RAB3GAP1: variants seen among roughly 807,000 people sequenced by gnomAD.
The protein encoded by RAB3GAP1 is rab3 GTPase-activating protein catalytic subunit.
In RAB3GAP1, 86 loss-of-function variants were observed where a neutral mutation model predicts 130.7. The ratio of observed to expected loss-of-function variants is 0.66; its 90% confidence interval spans 0.55 to 0.79. The LOEUF is 0.79. Among genes scored for constraint, RAB3GAP1 ranks in the 30% least tolerant of loss-of-function variants. RAB3GAP1 has a pLI of 0.00. For synonymous variants in RAB3GAP1, 367 were observed against 401.7 expected, an observed-to-expected ratio of 0.91 and a Z score of 1.03; for missense variants, 1,029 against 1,169.4, an observed-to-expected ratio of 0.88 and a Z score of 1.75.
intron 8 of RAB3GAP1, among the ~76,000 whole-genome samples, chr2:135,122,746 G>A (rs1372779031): frequency 6.6e-6 from 1 of 152,022 alleles, no homozygotes; most frequent in Non-Finnish European, 1.5e-5. Flanking sequence ...TTTTGAGACA[G>A]AGTCTTGCTT....
At chr2:135,100,485 A>C (rs1318666685) in intron 5 of RAB3GAP1, among the ~76,000 whole-genome samples, 1 of 152,058 alleles carries the variant, frequency 6.6e-6, no homozygotes, top group African/African-American at 2.4e-5. Flanking sequence ...TCAGCGGTGT[A>C]TTTTGACAGC....
Position 135,095,294 on chromosome 2 carries a change from C to T in RAB3GAP1, c.362+1601C>T, listed in dbSNP as rs1261605053. On this transcript the variant is annotated intron_variant, in intron 5 of 23. Coordinates refer to ENST00000264158, the MANE Select transcript of RAB3GAP1 (RefSeq NM_012233.3). ...CGATCTCCTGACCTCGTGATCCGCC[C>T]GCCTCGGCCTCCCAAAGCGCTGGGA... Among the ~76,000 whole-genome samples, 5 of 152,284 alleles carry T rather than the reference C, an allele frequency of 3.3e-5. No individual in the cohort carries two copies. The South Asian group carries it at 6.2e-4, about 19-fold the overall frequency.
chr2:135,084,407 T>C (rs1466978311), intron 3 of RAB3GAP1, among the ~76,000 whole-genome samples: 1 of 152,234 alleles, frequency 6.6e-6, no homozygotes, highest in Non-Finnish European at 1.5e-5. Flanking sequence ...ATCCTTTTAC[T>C]TTCTTGATGG....
chr2:135,143,286 T>G (rs1691897800), intron 17 of RAB3GAP1, among the ~76,000 whole-genome samples: 1 of 152,012 alleles, frequency 6.6e-6, no homozygotes, highest in African/African-American at 2.4e-5. Flanking sequence ...ATAATGATAT[T>G]GCAGTTTTAA....
In RAB3GAP1 at chr2:135,135,681, C is replaced by A. The variant is rs745596475; in HGVS notation, c.1672C>A (p.Pro558Thr). ...DAGKAGDQLV[P>T]DNLKETDKEK... ...TGGAAAAGCAGGAGACCAGTTGGTGCCAGATAATCTAAAAGAAACAGATAA... is the reference window on the plus strand; with the variant it reads ...TGGAAAAGCAGGAGACCAGTTGGTGACAGATAATCTAAAAGAAACAGATAA... Residue 558 changes from proline to threonine, a missense_variant, in exon 17 of 24, where the codon CCA (proline) becomes ACA (threonine). Transcript: ENST00000264158. 1 of 1,613,836 alleles carries A rather than the reference C, an allele frequency of 6.2e-7. No homozygotes were observed. Among genetic ancestry groups the A allele is most frequent in the South Asian group, 1.1e-5 (1 of 91,068 alleles).
At chr2:135,116,548 C>G (rs763829106) in intron 7 of RAB3GAP1, among the ~76,000 whole-genome samples, 8 of 152,012 alleles carry the variant, frequency 5.3e-5, no homozygotes, top group Non-Finnish European at 1.2e-4. Context: ...AACAAAATAG[C>G]CAGTAAGGAC....
chr2:135,117,616 C>A (rs1691043522), intron 7 of RAB3GAP1, among the ~76,000 whole-genome samples: 2 of 147,022 alleles, frequency 1.4e-5, no homozygotes, highest in African/African-American at 5.1e-5. Context: ...GCTTCTTCTG[C>A]TTCTGCTTCT....
rs1692756597 is a variant in RAB3GAP1 at position 135,168,970 on chromosome 2, C to T, written c.*189C>T. 3 of 432,694 alleles carry T rather than the reference C, an allele frequency of 6.9e-6. No homozygotes were observed. The East Asian group carries it at 1.7e-4, about 25-fold the overall frequency. The allele number at this position is 432,694 out of a possible 1,614,324, so 26.8% of individuals were successfully genotyped here. On this transcript the variant is annotated 3_prime_UTR_variant, in exon 24 of 24. Coordinates refer to ENST00000264158, the MANE Select transcript of RAB3GAP1 (RefSeq NM_012233.3). ...CTGTGTCGTTTCGTGGAGGGGGCAGCGAGGATGGGCTTGAGCTGTTGAGAG... is the reference window on the plus strand; with the variant it reads ...CTGTGTCGTTTCGTGGAGGGGGCAGTGAGGATGGGCTTGAGCTGTTGAGAG...
intron 17 of RAB3GAP1, chr2:135,137,287 T>C: frequency 3.1e-6 from 1 of 322,544 alleles, no homozygotes; most frequent in Non-Finnish European, 6.1e-6. Flanking sequence ...TCCACACATC[T>C]GTACTATTCT....
intron 19 of RAB3GAP1, among the ~76,000 whole-genome samples, chr2:135,155,849 GGAGA>G (rs1369484553): frequency 5.3e-5 from 8 of 152,022 alleles, no homozygotes; most frequent in Admixed American, 2.0e-4. Flanking sequence ...CAAATGAAAA[GGAGA>G]GAGTGTAGAG....
At chr2:135,159,731 C>T (rs767644069) in intron 19 of RAB3GAP1, among the ~76,000 whole-genome samples, 1 of 152,180 alleles carries the variant, frequency 6.6e-6, no homozygotes, top group South Asian at 2.1e-4. Flanking sequence ...ATGGAACAAA[C>T]CCAAATGTCT....
chr2:135,058,536 C>T (rs1689084590), intron 3 of RAB3GAP1: 1 of 153,382 alleles, frequency 6.5e-6, no homozygotes. Context: ...CTATTTCACT[C>T]AGTTTTTGTA....
chr2:135,153,527 A>C, intron 18 of RAB3GAP1, 122 bp from the exon 19 acceptor site: 1 of 878,456 alleles, frequency 1.1e-6, no homozygotes, highest in East Asian at 2.5e-5. Context: ...ATCCAAATTC[A>C]TTTTACATAT....
At chr2:135,087,144 T>A (rs1368387420) in intron 3 of RAB3GAP1, among the ~76,000 whole-genome samples, 11 of 152,234 alleles carry the variant, frequency 7.2e-5, no homozygotes, top group Admixed American at 5.9e-4. Flanking sequence ...TGTGAATATT[T>A]AATTATTCCA....
chr2:135,078,312 A>C (rs939845157), intron 3 of RAB3GAP1, among the ~76,000 whole-genome samples: 1 of 152,102 alleles, frequency 6.6e-6, no homozygotes, highest in African/African-American at 2.4e-5. Context: ...TACTATGATA[A>C]ATTTATAATT....
intron 2 of RAB3GAP1, among the ~76,000 whole-genome samples, chr2:135,057,428 A>C (rs2104820995): frequency 6.6e-6 from 1 of 152,202 alleles, no homozygotes; most frequent in Middle Eastern, 3.4e-3. Flanking sequence ...TTGAGATGGA[A>C]TCTCACTCTG....
chr2:135,172,213 T>A (rs930146205), downstream of RAB3GAP1, among the ~76,000 whole-genome samples: 6 of 151,788 alleles, frequency 4.0e-5, no homozygotes, highest in Non-Finnish European at 8.8e-5. Context: ...GCGGATCACA[T>A]GAGGTCAGGA....
rs778152367 is a variant in RAB3GAP1, at chr2:135,135,945, A to C, written c.1923+13A>C. 9.3e-6 allele frequency: 15 copies of C among 1,611,810 alleles called. No individual in the cohort carries two copies. Among genetic ancestry groups the C allele is most frequent in the Non-Finnish European group, 1.2e-5 (14 of 1,178,008 alleles). ...TCCAGTAACCCAGGTAGGATGCACT[A>C]GTTCTTTCCATTTTAATTTATTTTG... is the stretch of plus-strand genomic sequence containing the variant. On this transcript the variant is annotated intron_variant, in intron 17 of 23. Transcript: ENST00000264158.
intron 23 of RAB3GAP1, among the ~76,000 whole-genome samples, chr2:135,168,077 C>T (rs1692713410): frequency 6.6e-6 from 1 of 152,162 alleles, no homozygotes; most frequent in Non-Finnish European, 1.5e-5. Flanking sequence ...AAGACCAATG[C>T]CCCCACTTTT....
Sources: allele counts gnomAD v4.1 joint callset (sites outside exome capture counted in the v4.1 genomes callset), GRCh38; gene constraint gnomAD v4.1.1; transcripts MANE v1.5; gene names NCBI Gene and HGNC (gene_info 2026-07-23, HGNC 2026-07-21).